Variants in PARD3 observed in about 807,000 individuals in gnomAD.
The protein encoded by PARD3 is par-3 family cell polarity regulator.
PARD3 carries 75 observed loss-of-function variants against 155.4 expected under a neutral mutation model. The ratio of observed to expected loss-of-function variants is 0.48; its 90% CI spans 0.40 to 0.58. The LOEUF is 0.58. Ranked by LOEUF, PARD3 falls within the 20% of genes least tolerant of loss-of-function variation. The pLI, the probability that PARD3 is intolerant of heterozygous loss-of-function variation, is 0.00. For synonymous variants in PARD3, 576 were observed against 610.5 expected (o/e 0.94, Z 0.83); for missense variants, 1,642 against 1,721.7 (o/e 0.95, Z 0.82).
At chr10:34,499,337 G>C (rs568103172) in intron 3 of PARD3, among the ~76,000 whole-genome samples, 80 of 152,236 alleles carry the variant, frequency 5.3e-4, no homozygotes, top group African/African-American at 1.9e-3. Context: ...GCTTTCAGTA[G>C]CTATGTTTTC....
At chr10:34,330,854 C>CA (rs1345204887) in intron 19 of PARD3, among the ~76,000 whole-genome samples, 2 of 151,948 alleles carry the variant, frequency 1.3e-5, no homozygotes, top group African/African-American at 4.8e-5. Flanking sequence ...GCCTGTAAGA[C>CA]AGATTCTCAT....
At position 34,123,155 on chromosome 10, in the gene PARD3, T is replaced by C. The variant is rs531572029; in HGVS notation, c.3541-3415A>G. Among the ~76,000 whole-genome samples the C allele has an allele frequency of 1.1e-4, 16 of 152,164 alleles. 1 individual carries two copies. The highest frequency in any genetic ancestry group is 3.6e-4 in the African/African-American group (15 of 41,524). On this transcript the variant is annotated intron_variant, in intron 23 of 24. Coordinates refer to ENST00000374788, the MANE Select transcript of PARD3 (RefSeq NM_001184785.2). Reference sequence around the variant, plus strand: ...TGACCTTTTAAATAAAAAAAAAACATGGCTGCCAGAGCCATAATAACAATA... The same window carrying C: ...TGACCTTTTAAATAAAAAAAAAACACGGCTGCCAGAGCCATAATAACAATA...
At chr10:34,722,449 A>G (rs2094623898) in intron 1 of PARD3, among the ~76,000 whole-genome samples, 2 of 152,224 alleles carry the variant, frequency 1.3e-5, no homozygotes, top group African/African-American at 4.8e-5. Context: ...ACTATAAACT[A>G]TAATCATAGA....
In PARD3 at chr10:34,239,473, T is replaced by C. The variant is rs574706902; in HGVS notation, c.3419+30184A>G. On this transcript the variant is annotated intron_variant, in intron 22 of 24. Coordinates refer to ENST00000374788, the MANE Select transcript of PARD3 (RefSeq NM_001184785.2). ...CTTTCAGATGGAATCCTGGTTCCCC[T>C]AAGATCTTTCTGCTAAAACCAAAGT... Among the ~76,000 whole-genome samples the C allele has an allele frequency of 2.0e-5, 3 of 152,298 alleles. No individual in the cohort carries two copies. In the South Asian group the frequency reaches 6.2e-4, roughly 32 times the overall value.
At chr10:34,470,016 G>A (rs957079606) in intron 4 of PARD3, 69 bp downstream of exon 4, 7 of 1,289,230 alleles carry the variant, frequency 5.4e-6, no homozygotes, top group South Asian at 1.6e-5. Flanking sequence ...CCCAAGACAC[G>A]ACACTCATCA....
At chr10:34,357,519 T>C (rs1423146246) in intron 14 of PARD3, among the ~76,000 whole-genome samples, 2 of 152,172 alleles carry the variant, frequency 1.3e-5, no homozygotes, top group Admixed American at 6.5e-5. Context: ...AACTTACAGT[T>C]GAGATGTTTT....
chr10:34,279,094 G>A (rs914764919), intron 21 of PARD3, among the ~76,000 whole-genome samples: 10 of 145,354 alleles, frequency 6.9e-5, no homozygotes, highest in African/African-American at 2.3e-4. Context: ...CAGATATATA[G>A]TATGCCTAAC....
In PARD3 at chr10:34,470,158, G is replaced by A; in HGVS notation, c.509C>T (p.Pro170Leu). Residue 170 changes from proline (P) to leucine (L), a missense_variant, in exon 4 of 25, where the codon CCC (proline) becomes CTC (leucine). Physicochemically the swap from Pro to Leu is moderately conservative, Grantham distance 98. This residue lies in a region of PARD3 where 1,529 missense variants were observed against 1,587.3 expected (regional missense o/e 0.96). Transcript: ENST00000374788. The stretch of plus-strand genomic sequence containing the variant: ...GCCAGCTGTTGTTGACCAGCGTGTG[G>A]GATTTTTCCTTGAAGGCTCTTCAGA... ...FSSEEPSRKN[P>L]TRWSTTAGFL... The A allele has an allele frequency of 6.2e-7, 1 of 1,613,426 alleles. No individual in the cohort carries two copies. Among genetic ancestry groups the A allele is most frequent in the Non-Finnish European group, 8.5e-7 (1 of 1,179,770 alleles).
rs562104098 is a variant in PARD3 at position 34,557,582 on chromosome 10, G to A, written c.223-40423C>T. On this transcript the variant is annotated intron_variant, in intron 2 of 24. Transcript: ENST00000374788. Reference sequence around the variant, plus strand: ...TAACCTCTGCCTCCCAGGTTGAAGCGATTCTCTTGTCTCAGCCTCCTGAGT... The same window carrying A: ...TAACCTCTGCCTCCCAGGTTGAAGCAATTCTCTTGTCTCAGCCTCCTGAGT... Among the ~76,000 whole-genome samples the A allele has an allele frequency of 9.2e-5, 14 of 152,202 alleles. No individual in the cohort carries two copies. In the South Asian group the frequency reaches 2.3e-3, roughly 25 times the overall value.
In PARD3 at chr10:34,382,617, T is replaced by C; in HGVS notation, c.1322A>G (p.Asn441Ser). The C allele has an allele frequency of 6.2e-7, 1 of 1,614,068 alleles. No homozygotes were observed. The highest frequency in any genetic ancestry group is 8.5e-7 in the Non-Finnish European group (1 of 1,180,016). Residue 441 changes from asparagine (N) to serine (S), a missense_variant, in exon 9 of 25, where the codon AAT (asparagine) becomes AGT (serine). This residue lies in a region of PARD3 where 1,529 missense variants were observed against 1,587.3 expected (regional missense o/e 0.96). Coordinates refer to ENST00000374788, the MANE Select transcript of PARD3 (RefSeq NM_001184785.2). ...ACTGCTTACAGTCGTACTAAATACATTCTGAGGTGCCGAGGCTGGAGCGGA... is the reference window on the plus strand; with the variant it reads ...ACTGCTTACAGTCGTACTAAATACACTCTGAGGTGCCGAGGCTGGAGCGGA... ...PPSAPASAPQ[N>S]VFSTTVSSGY...
intron 1 of PARD3, among the ~76,000 whole-genome samples, chr10:34,796,928 T>C (rs978066640): frequency 2.0e-5 from 3 of 152,194 alleles, no homozygotes; most frequent in Non-Finnish European, 4.4e-5. Flanking sequence ...GAGGTTGCTA[T>C]GAACTGAGAT....
intron 22 of PARD3, among the ~76,000 whole-genome samples, chr10:34,170,622 C>T (rs1949742412): frequency 6.6e-6 from 1 of 152,116 alleles, no homozygotes. Flanking sequence ...AGGGAAGGAC[C>T]ACAGACAGAC....
At chr10:34,209,789 G>A (rs1212704633) in intron 22 of PARD3, among the ~76,000 whole-genome samples, 1 of 152,096 alleles carries the variant, frequency 6.6e-6, no homozygotes, top group East Asian at 1.9e-4. Flanking sequence ...GGGAGAGAAA[G>A]CATTTAGTAA....
At chr10:34,617,969 G>A (rs574750944) in intron 2 of PARD3, among the ~76,000 whole-genome samples, 1 of 152,106 alleles carries the variant, frequency 6.6e-6, no homozygotes, top group Non-Finnish European at 1.5e-5. Context: ...ACATTTTAAA[G>A]TATTAGCTAT....
rs1158759686 is a variant in PARD3, at chr10:34,336,447, T to C, written c.2561-204A>G. ...CATGCAATATGCCAGTCATTTCATT[T>C]CACAGACATGTGTGTTATATGTTAG... On this transcript the variant is annotated intron_variant, in intron 17 of 24. Transcript: ENST00000374788. 16 of 527,058 alleles carry C rather than the reference T, an allele frequency of 3.0e-5. No individual in the cohort carries two copies. In the East Asian group the frequency reaches 5.0e-4, roughly 17 times the overall value. The allele number at this position is 527,058 out of a possible 1,614,324, so 32.6% of individuals were successfully genotyped here.
At chr10:34,611,234 C>G (rs2090867865) in intron 2 of PARD3, among the ~76,000 whole-genome samples, 1 of 152,188 alleles carries the variant, frequency 6.6e-6, no homozygotes, top group African/African-American at 2.4e-5. Context: ...TTAATTATAG[C>G]TTTCAAAGGT....
At chr10:34,122,438 T>C (rs185054247) in intron 23 of PARD3, among the ~76,000 whole-genome samples, 2 of 152,328 alleles carry the variant, frequency 1.3e-5, no homozygotes, top group Admixed American at 1.3e-4. Context: ...TGGATCTGGA[T>C]ACATTCCAAT....
intron 5 of PARD3, among the ~76,000 whole-genome samples, chr10:34,432,337 T>TACATACACACAC (rs1207917998): frequency 2.1e-5 from 3 of 143,456 alleles, no homozygotes; most frequent in Non-Finnish European, 4.5e-5. Flanking sequence ...CACGTGCACA[T>TACATACACACAC]ACACACACAC....
intron 3 of PARD3, among the ~76,000 whole-genome samples, chr10:34,473,381 A>G (rs911052420): frequency 2.0e-5 from 3 of 152,152 alleles, no homozygotes; most frequent in African/African-American, 4.8e-5. Flanking sequence ...AGAAAGAACA[A>G]AACCCAATAA....
Sources: allele counts gnomAD v4.1 joint callset (sites outside exome capture counted in the v4.1 genomes callset), GRCh38; gene constraint gnomAD v4.1.1; regional missense constraint gnomAD v4.1.1; transcripts MANE v1.5; gene names NCBI Gene and HGNC (gene_info 2026-07-23, HGNC 2026-07-21).